The following PPP1R12A variants were observed in gnomAD, a reference collection of about 807,000 sequenced individuals.
The protein encoded by PPP1R12A is protein phosphatase 1 regulatory subunit 12A.
A neutral mutation model predicts 139.6 loss-of-function variants in PPP1R12A; 19 were observed. That is an observed-to-expected ratio of 0.14 (90% CI 0.09 to 0.20). The LOEUF (loss-of-function observed/expected upper bound fraction) is 0.20. PPP1R12A is among the 10% of genes least tolerant of loss of function. The pLI, the probability that PPP1R12A is intolerant of heterozygous loss-of-function variation, is 1.00. For missense variants in PPP1R12A, 925 were observed against 1,211.5 expected (o/e 0.76, Z 3.51); for synonymous variants, 427 against 420.6 (o/e 1.02, Z -0.19).
intron 3 of PPP1R12A, among the ~76,000 whole-genome samples, chr12:79,844,197 G>A (rs187287332): frequency 4.6e-5 from 7 of 152,102 alleles, no homozygotes; most frequent in South Asian, 2.1e-4. Flanking sequence ...CTCTGTGCCC[G>A]TTAGCAATCA....
chr12:79,933,382 T>C (rs1301538959), intron 1 of PPP1R12A, among the ~76,000 whole-genome samples: 1 of 152,206 alleles, frequency 6.6e-6, no homozygotes, highest in African/African-American at 2.4e-5. Flanking sequence ...AAAATGTCAC[T>C]ACACACCTTT....
chr12:79,892,743 TA>T (rs35935342), intron 1 of PPP1R12A, among the ~76,000 whole-genome samples: 438 of 148,318 alleles, frequency 3.0e-3, no homozygotes, highest in African/African-American at 0.011. Flanking sequence ...TAAAGTTACT[TA>T]AAAAAAAAAT....
intron 9 of PPP1R12A, among the ~76,000 whole-genome samples, chr12:79,816,930 T>TA (rs1001401530): frequency 6.6e-6 from 1 of 152,280 alleles, no homozygotes; most frequent in East Asian, 1.9e-4. Flanking sequence ...ACTATGAGTT[T>TA]AAAAAATTTA....
chr12:79,885,363 T>C (rs1884009420), intron 1 of PPP1R12A, among the ~76,000 whole-genome samples: 1 of 152,200 alleles, frequency 6.6e-6, no homozygotes, highest in African/African-American at 2.4e-5. Flanking sequence ...GTTTATATAG[T>C]CCATGCTAAT....
At chr12:79,873,496 T>TAA (rs35604870) in intron 1 of PPP1R12A, among the ~76,000 whole-genome samples, 1,383 of 134,732 alleles carry the variant, frequency 0.01, 17 homozygotes, top group African/African-American at 0.02. Context: ...ACTCATAATT[T>TAA]AAAAAAAAAA....
rs763265157 is a variant in PPP1R12A, at chr12:79,779,317, A to G, written c.2956-717T>C. On this transcript the variant is annotated intron_variant, in intron 23 of 24. Transcript: ENST00000450142. ...GATGAGCTGTAAAACTGGTTAGGTCATACCGCCCAGAAGATACTGACTCTT... is the reference window on the plus strand; with the variant it reads ...GATGAGCTGTAAAACTGGTTAGGTCGTACCGCCCAGAAGATACTGACTCTT... The G allele has an allele frequency of 1.8e-5, 23 of 1,289,120 alleles. 1 individual carries two copies. The South Asian group carries it at 2.7e-4, about 15-fold the overall frequency. The allele number at this position is 1,289,120 out of a possible 1,614,324, so 79.9% of individuals were successfully genotyped here. A position where few individuals can be genotyped will look rare whatever the true frequency, so the allele number is the denominator to read the frequency against.
At chr12:79,811,525 A>T (rs1304480609) in intron 9 of PPP1R12A, among the ~76,000 whole-genome samples, 5 of 152,182 alleles carry the variant, frequency 3.3e-5, no homozygotes, top group African/African-American at 1.2e-4. Flanking sequence ...ACTGTGAAAA[A>T]ATCCTACCAA....
intron 19 of PPP1R12A, among the ~76,000 whole-genome samples, chr12:79,793,074 A>G (rs953626428): frequency 1.3e-5 from 2 of 152,210 alleles, no homozygotes; most frequent in Admixed American, 6.5e-5. Flanking sequence ...AGGAACTTCA[A>G]CTCAAAATGA....
At chr12:79,842,956 T>TC (rs1382512276) in intron 3 of PPP1R12A, among the ~76,000 whole-genome samples, 1 of 152,118 alleles carries the variant, frequency 6.6e-6, no homozygotes, top group African/African-American at 2.4e-5. Context: ...CTCCCTTTTC[T>TC]CCCCTCCTTC....
intron 1 of PPP1R12A, among the ~76,000 whole-genome samples, chr12:79,896,695 A>G (rs1344113830): frequency 6.6e-6 from 1 of 152,164 alleles, no homozygotes; most frequent in Non-Finnish European, 1.5e-5. Context: ...GAGTGATGCC[A>G]TCTCACTGTG....
At chr12:79,776,459 T>G (rs1163329278) in intron 24 of PPP1R12A, among the ~76,000 whole-genome samples, 1 of 152,100 alleles carries the variant, frequency 6.6e-6, no homozygotes, top group Admixed American at 6.5e-5. Flanking sequence ...AGGAAAACAT[T>G]GAGGAAATTA....
intron 1 of PPP1R12A, among the ~76,000 whole-genome samples, chr12:79,910,254 A>T (rs1170453227): frequency 6.6e-6 from 1 of 151,826 alleles, no homozygotes; most frequent in African/African-American, 2.4e-5. Flanking sequence ...ATGAGGTGGG[A>T]GGATCACCTG....
At chr12:79,935,121 G>T, upstream of PPP1R12A, 1 of 1,370,900 alleles carries the variant, frequency 7.3e-7, no homozygotes, top group Non-Finnish European at 9.4e-7. Context: ...CGGCCGAGCG[G>T]ACCTCCCTTC....
chr12:79,843,683 A>G, intron 3 of PPP1R12A, among the ~76,000 whole-genome samples: 1 of 146,140 alleles, frequency 6.8e-6, no homozygotes, highest in African/African-American at 2.5e-5. Flanking sequence ...TATATGGTAA[A>G]TTTCTAGAAA....
intron 1 of PPP1R12A, among the ~76,000 whole-genome samples, chr12:79,897,525 A>T (rs1462169964): frequency 6.6e-6 from 1 of 152,122 alleles, no homozygotes. Flanking sequence ...TCTAAAATAA[A>T]AGTTGAAAAA....
intron 1 of PPP1R12A, 118 bp downstream of exon 1, chr12:79,934,577 G>T: frequency 1.0e-6 from 1 of 967,756 alleles, no homozygotes; most frequent in African/African-American, 1.7e-5. Context: ...CCCTCACCCC[G>T]CAGCAGGGAG....
At chr12:79,842,048 G>A (rs1387461542) in intron 3 of PPP1R12A, among the ~76,000 whole-genome samples, 2 of 151,610 alleles carry the variant, frequency 1.3e-5, no homozygotes, top group African/African-American at 2.4e-5. Context: ...GGCTAGATGC[G>A]GTCGCTCATG....
intron 4 of PPP1R12A, among the ~76,000 whole-genome samples, 160 bp downstream of exon 4, chr12:79,832,172 A>G (rs1877510577): frequency 6.6e-6 from 1 of 152,224 alleles, no homozygotes; most frequent in Admixed American, 6.5e-5. Context: ...GAACAAAAGC[A>G]ATCATATTCA....
chr12:79,924,632 T>C (rs965281437), intron 1 of PPP1R12A, among the ~76,000 whole-genome samples: 2 of 151,946 alleles, frequency 1.3e-5, no homozygotes, highest in Admixed American at 1.3e-4. Flanking sequence ...TCTCACTTTG[T>C]TGCCCAAGCC....
Sources: allele counts gnomAD v4.1 joint callset (sites outside exome capture counted in the v4.1 genomes callset), GRCh38; gene constraint gnomAD v4.1.1; transcripts MANE v1.5; gene names NCBI Gene and HGNC (gene_info 2026-07-23, HGNC 2026-07-21).